ARMCX4: variants seen among roughly 807,000 people sequenced by gnomAD.
ARMCX4 encodes armadillo repeat-containing X-linked protein 4.
ARMCX4 carries 3 observed loss-of-function variants against 34.7 expected under a neutral mutation model. The ratio of observed to expected loss-of-function variants is 0.09; its 90% confidence interval spans 0.04 to 0.22. The LOEUF is 0.22. ARMCX4 is among the 10% of genes least tolerant of loss of function. The pLI is 1.00. For synonymous variants in ARMCX4, 513 were observed against 632.8 expected (o/e 0.81, Z 2.84); for missense variants, 1,448 against 1,720.8 (o/e 0.84, Z 2.81).
chrX:101,498,221 C>T, downstream of ARMCX4: 2 of 326,773 alleles, frequency 6.1e-6, no homozygotes, highest in Non-Finnish European at 1.2e-5. Context: ...CCTGGGAAGC[C>T]AACCTGCAAC....
chrX:101,497,535 G>A (rs1334199861), downstream of ARMCX4, among the ~76,000 whole-genome samples: 18 of 111,358 alleles, frequency 1.6e-4, no homozygotes, highest in Admixed American at 6.7e-4. Flanking sequence ...CACCACGCCC[G>A]GCCTCATTTG....
chrX:101,434,127 G>C (rs1176766455), intron 2 of ARMCX4, among the ~76,000 whole-genome samples: 4 of 109,767 alleles, frequency 3.6e-5, no homozygotes, highest in Middle Eastern at 4.7e-3. Flanking sequence ...TGTATTTTTA[G>C]TAGAGACGTG....
At chrX:101,458,611 C>T (rs554066846) in intron 4 of ARMCX4, among the ~76,000 whole-genome samples, 4 of 108,142 alleles carry the variant, frequency 3.7e-5, no homozygotes, top group African/African-American at 6.8e-5. Flanking sequence ...CTCAGCCTCC[C>T]GAGTAGCTGT....
At chrX:101,487,541 C>A in intron 3 of ARMCX4, 67 bp from the exon 4 acceptor site, 1 of 502,757 alleles carries the variant, frequency 2.0e-6, no homozygotes, top group Non-Finnish European at 3.0e-6. Flanking sequence ...GGTCAGGGAT[C>A]AGGTTGCTTG....
At chrX:101,454,282 TTA>T (rs1491138024) in intron 4 of ARMCX4, among the ~76,000 whole-genome samples, 1 of 108,369 alleles carries the variant, frequency 9.2e-6, no homozygotes, top group Non-Finnish European at 1.9e-5. Flanking sequence ...TTTTTTTTTT[TTA>T]TTTTTTTTTG....
intron 11 of ARMCX4, among the ~76,000 whole-genome samples, chrX:101,526,983 T>A (rs1251178161): frequency 3.6e-5 from 4 of 111,841 alleles, no homozygotes; most frequent in Non-Finnish European, 5.6e-5. Context: ...CAAGCGGACC[T>A]AATAGACATC....
intron 4 of ARMCX4, among the ~76,000 whole-genome samples, chrX:101,468,536 C>T (rs1297077351): frequency 9.0e-6 from 1 of 110,917 alleles, no homozygotes; most frequent in Non-Finnish European, 1.9e-5. Context: ...ACGACCCACC[C>T]GCCTTGGCCT....
chrX:101,458,945 A>T (rs1450998874), intron 4 of ARMCX4, among the ~76,000 whole-genome samples: 2 of 112,171 alleles, frequency 1.8e-5, no homozygotes, highest in Non-Finnish European at 3.8e-5. Flanking sequence ...GTGTTCCTGG[A>T]GCTACTAAAA....
intron 7 of ARMCX4, among the ~76,000 whole-genome samples, chrX:101,503,436 C>T (rs1934358087): frequency 9.0e-6 from 1 of 111,628 alleles, no homozygotes; most frequent in Non-Finnish European, 1.9e-5. Context: ...TCTACATCCT[C>T]TCCAGCACCT....
chrX:101,428,250 AATT>A (rs782761648), intron 2 of ARMCX4, among the ~76,000 whole-genome samples: 167 of 112,193 alleles, frequency 1.5e-3, no homozygotes, highest in Middle Eastern at 0.014. Flanking sequence ...ATCTCAAAAT[AATT>A]ATGCTGGGTG....
At chrX:101,496,623 C>A (rs1328780993), downstream of ARMCX4, among the ~76,000 whole-genome samples, 7 of 111,528 alleles carry the variant, frequency 6.3e-5, no homozygotes, top group African/African-American at 2.3e-4. Flanking sequence ...AGAAAGTATA[C>A]TAGAAGAAAG....
chrX:101,460,277 T>G (rs1266991915), intron 4 of ARMCX4, among the ~76,000 whole-genome samples: 1 of 111,860 alleles, frequency 8.9e-6, no homozygotes, highest in Non-Finnish European at 1.9e-5. Context: ...TCTCCTAAAA[T>G]GTAAGGGAAC....
At chrX:101,505,204 A>G (rs914542091) in exon 8 of ARMCX4, 1 of 109,686 alleles carries the variant, frequency 9.1e-6, no homozygotes, top group Non-Finnish European at 1.9e-5. Context: ...TACTGTGAGG[A>G]GGTTGGTTGT....
rs1416329787 is a variant in ARMCX4 at position 101,494,820 on chromosome X, A to C, written c.6231A>C (p.Glu2077Asp). The C allele has an allele frequency of 2.3e-5, 27 of 1,152,707 alleles. No homozygotes were observed. The African/African-American group carries it at 4.3e-4, about 18-fold the overall frequency. 95.0% of individuals were successfully genotyped at this position (1,152,707 alleles called of 1,213,427 possible). Reference sequence around the variant, plus strand: ...GTGCTGATTATTCTTATTCTCATGAAGTTGTTCGTAATGTAGGTGGAATTT... The same window carrying C: ...GTGCTGATTATTCTTATTCTCATGACGTTGTTCGTAATGTAGGTGGAATTT... ...YNSADYSYSH[E>D]VVRNVGGISV... The change falls in exon 6 of 6, where the codon GAA (glutamate) becomes GAC (aspartate). Residue 2077 changes from glutamate (E) to aspartate (D), a missense_variant. Around this residue, in one of 2 missense-constraint regions of ARMCX4, gnomAD observed 105 missense variants for 180.2 expected, o/e 0.58. Coordinates refer to ENST00000423738, the MANE Select transcript of ARMCX4 (RefSeq NM_001256155.3).
At chrX:101,436,647 G>C (rs1318370745) in intron 2 of ARMCX4, among the ~76,000 whole-genome samples, 1 of 111,129 alleles carries the variant, frequency 9.0e-6, no homozygotes, top group East Asian at 2.8e-4. Context: ...TCCTTCTCCT[G>C]CCTAATTGCC....
At chrX:101,523,353 G>A (rs1376437632) in intron 11 of ARMCX4, among the ~76,000 whole-genome samples, 2 of 111,953 alleles carry the variant, frequency 1.8e-5, no homozygotes, top group South Asian at 3.7e-4. Flanking sequence ...GCTGAATGAG[G>A]TGGTGGATAG....
At chrX:101,515,845 T>A (rs1413392558) in intron 11 of ARMCX4, among the ~76,000 whole-genome samples, 2 of 110,553 alleles carry the variant, frequency 1.8e-5, no homozygotes, top group East Asian at 2.9e-4. Context: ...CATGGCCATG[T>A]TTTGTGTATT....
chrX:101,509,871 T>G (rs1223473396), intron 10 of ARMCX4, among the ~76,000 whole-genome samples: 1 of 112,375 alleles, frequency 8.9e-6, no homozygotes, highest in Non-Finnish European at 1.9e-5. Flanking sequence ...CTAAGAATTT[T>G]GAGGACATTG....
intron 7 of ARMCX4, among the ~76,000 whole-genome samples, chrX:101,503,390 A>C (rs1438744792): frequency 9.0e-6 from 1 of 111,504 alleles, no homozygotes; most frequent in African/African-American, 3.3e-5. Context: ...GAACTAGTTT[A>C]CAGTCCCACC....
Sources: allele counts gnomAD v4.1 joint callset (sites outside exome capture counted in the v4.1 genomes callset), GRCh38; gene constraint gnomAD v4.1.1; regional missense constraint gnomAD v4.1.1; transcripts MANE v1.5; gene names NCBI Gene and HGNC (gene_info 2026-07-23, HGNC 2026-07-21).